Variants in MSRA observed in about 807,000 individuals in gnomAD.
MSRA encodes the protein methionine sulfoxide reductase A.
A neutral mutation model predicts 31.3 loss-of-function variants in MSRA; 54 were observed. The ratio of observed to expected loss-of-function variants is 1.73; its 90% CI spans 1.39 to 2.17. The LOEUF is 2.17. MSRA is among the 30% of genes most tolerant of loss of function. The pLI is 0.00. For missense variants in MSRA, 507 were observed against 300.9 expected, an observed-to-expected ratio of 1.69 and a Z score of -5.07; for synonymous variants, 169 against 116.5, an observed-to-expected ratio of 1.45 and a Z score of -2.90.
chr8:10,245,368 A>T (rs910674676), intron 3 of MSRA, 145 bp downstream of exon 3: 2 of 751,002 alleles, frequency 2.7e-6, no homozygotes, highest in Admixed American at 2.9e-5. Context: ...TATACTTGTG[A>T]GCTTCTCACT....
intron 1 of MSRA, among the ~76,000 whole-genome samples, chr8:10,064,909 C>T (rs2628140): frequency 1.3e-5 from 2 of 151,938 alleles, no homozygotes; most frequent in Non-Finnish European, 2.9e-5. Flanking sequence ...TAGCTTTCCA[C>T]GTGGGGAAAA....
At position 10,122,947 on chromosome 8, in the gene MSRA, G is replaced by C. The variant is rs138268866; in HGVS notation, c.142+68289G>C. Among the ~76,000 whole-genome samples the C allele has an allele frequency of 5.6e-4, 86 of 152,268 alleles. 1 individual carries two copies. Among genetic ancestry groups the C allele is most frequent in the African/African-American group, 1.8e-3 (75 of 41,548 alleles). ...TTTACATTCTGTCATTGGGCATTAG[G>C]TTGATTCTACATCTTTGCTATTGTG... On this transcript the variant is annotated intron_variant, in intron 1 of 5. Transcript: ENST00000317173.
intron 1 of MSRA, among the ~76,000 whole-genome samples, chr8:10,185,170 A>G (rs1806908516): frequency 6.6e-6 from 1 of 152,106 alleles, no homozygotes; most frequent in African/African-American, 2.4e-5. Context: ...CCCTTAGCGA[A>G]TGCGAATCCC....
intron 1 of MSRA, among the ~76,000 whole-genome samples, chr8:10,189,790 C>A (rs1807355935): frequency 6.6e-6 from 1 of 152,020 alleles, no homozygotes; most frequent in Admixed American, 6.5e-5. Context: ...CTCTAGTTTT[C>A]TTGTGTCTTT....
intron 3 of MSRA, among the ~76,000 whole-genome samples, chr8:10,259,478 G>C (rs939825277): frequency 1.1e-4 from 16 of 152,146 alleles, no homozygotes; most frequent in African/African-American, 2.7e-4. Context: ...GTAGGGACCC[G>C]TGACATTCTC....
intron 5 of MSRA, among the ~76,000 whole-genome samples, chr8:10,345,575 G>C (rs1327815498): frequency 6.6e-6 from 1 of 152,134 alleles, no homozygotes; most frequent in Non-Finnish European, 1.5e-5. Flanking sequence ...AAGTGGTAGA[G>C]GACTATACCA....
chr8:10,209,645 C>T (rs1319234405), intron 2 of MSRA, among the ~76,000 whole-genome samples: 4 of 152,170 alleles, frequency 2.6e-5, no homozygotes, highest in South Asian at 2.1e-4. Context: ...TCACTTTCAG[C>T]GGGCAACTTC....
At chr8:10,237,094 G>A (rs1407415334) in intron 2 of MSRA, among the ~76,000 whole-genome samples, 2 of 152,238 alleles carry the variant, frequency 1.3e-5, no homozygotes, top group Admixed American at 6.5e-5. Flanking sequence ...CACCTGTTAA[G>A]TAATATTCTG....
chr8:10,397,721 G>C (rs7821526), intron 5 of MSRA, among the ~76,000 whole-genome samples: 3 of 152,068 alleles, frequency 2.0e-5, no homozygotes, highest in African/African-American at 7.3e-5. Context: ...CAAATTCCAT[G>C]TAAAAATATT....
intron 1 of MSRA, among the ~76,000 whole-genome samples, chr8:10,106,858 C>A (rs1799920652): frequency 6.6e-6 from 1 of 152,060 alleles, no homozygotes; most frequent in Admixed American, 6.6e-5. Flanking sequence ...CCTAACTACC[C>A]ACGCACCTAC....
intron 1 of MSRA, among the ~76,000 whole-genome samples, chr8:10,085,665 G>T (rs1434858117): frequency 6.6e-6 from 1 of 152,156 alleles, no homozygotes; most frequent in Non-Finnish European, 1.5e-5. Context: ...TAACAAGTTT[G>T]TACAGTTGTG....
At chr8:10,421,561 A>T (rs1808812498) in intron 5 of MSRA, among the ~76,000 whole-genome samples, 2 of 151,526 alleles carry the variant, frequency 1.3e-5, no homozygotes, top group South Asian at 2.1e-4. Flanking sequence ...AATCTCGGTG[A>T]TCCTAATCGT....
chr8:10,077,218 A>T (rs1239805969), intron 1 of MSRA, among the ~76,000 whole-genome samples: 1 of 152,164 alleles, frequency 6.6e-6, no homozygotes, highest in Admixed American at 6.5e-5. Flanking sequence ...GCCAACAATG[A>T]TGGGCAAAGA....
chr8:10,312,106 C>G lies in MSRA; in HGVS notation c.437-7777C>G, dbSNP rs78352568. Among the ~76,000 whole-genome samples, 1,008 of 152,246 alleles carry G rather than the reference C, an allele frequency of 6.6e-3. 5 individuals carry two copies. Among genetic ancestry groups the G allele is most frequent in the Non-Finnish European group, 0.01 (691 of 68,012 alleles). On this transcript the variant is annotated intron_variant, in intron 4 of 5. Coordinates refer to ENST00000317173, the MANE Select transcript of MSRA (RefSeq NM_012331.5). Reference sequence around the variant, plus strand: ...AGAGAAAAGAAGCTGAGCTAAGCGTCCATCTCAAGAACTTAGAAAATCAGC... The same window carrying G: ...AGAGAAAAGAAGCTGAGCTAAGCGTGCATCTCAAGAACTTAGAAAATCAGC...
chr8:10,193,852 T>C (rs1003219021), intron 1 of MSRA, among the ~76,000 whole-genome samples: 1 of 152,228 alleles, frequency 6.6e-6, no homozygotes, highest in African/African-American at 2.4e-5. Context: ...TTACATGTGC[T>C]GTATCTCTAG....
intron 3 of MSRA, among the ~76,000 whole-genome samples, chr8:10,275,745 G>C (rs771528798): frequency 2.0e-5 from 3 of 152,160 alleles, no homozygotes; most frequent in Non-Finnish European, 4.4e-5. Flanking sequence ...CTTATAAGCT[G>C]TGTGACACAA....
chr8:10,242,855 T>A (rs1797407723), intron 2 of MSRA, among the ~76,000 whole-genome samples: 1 of 152,152 alleles, frequency 6.6e-6, no homozygotes, highest in African/African-American at 2.4e-5. Context: ...TAAGTCACAT[T>A]CCTCTCCAGA....
intron 2 of MSRA, among the ~76,000 whole-genome samples, chr8:10,229,153 T>A (rs1260596180): frequency 6.6e-6 from 1 of 152,224 alleles, no homozygotes; most frequent in Non-Finnish European, 1.5e-5. Flanking sequence ...GCTGTGTGAC[T>A]CAGAGACACA....
chr8:10,255,218 C>T (rs1417753060), intron 3 of MSRA, among the ~76,000 whole-genome samples: 1 of 152,152 alleles, frequency 6.6e-6, no homozygotes, highest in Admixed American at 6.5e-5. Context: ...TTCCACACCT[C>T]GCTCATCACT....
Sources: allele counts gnomAD v4.1 joint callset (sites outside exome capture counted in the v4.1 genomes callset), GRCh38; gene constraint gnomAD v4.1.1; transcripts MANE v1.5; gene names NCBI Gene and HGNC (gene_info 2026-07-23, HGNC 2026-07-21).